Variants in C16orf74 observed in about 807,000 individuals in gnomAD.
C16orf74 encodes calcimembrin.
C16orf74 carries 10 observed loss-of-function variants against 6.5 expected under a neutral mutation model. The ratio of observed to expected loss-of-function variants is 1.54; its 90% CI spans 0.95 to 2.61. The LOEUF is 2.61. Ranked by LOEUF, C16orf74 falls within the 30% of genes most tolerant of loss-of-function variation. C16orf74 has a pLI of 0.00. For synonymous variants in C16orf74, 60 were observed against 42.5 expected (o/e 1.41, Z -1.60); for missense variants, 141 against 105.9 (o/e 1.33, Z -1.45).
At position 85,734,559 on chromosome 16, in the gene C16orf74, G is replaced by C. The variant is rs532593082; in HGVS notation, c.28+631C>G. Among the ~76,000 whole-genome samples, 11 of 152,312 alleles carry C rather than the reference G, an allele frequency of 7.2e-5. No homozygotes were observed. The East Asian group carries it at 1.9e-3, about 27-fold the overall frequency. ...GGCAGCGGGGCCGCAAGTCAGACCA[G>C]GGGCCGCCCACGTGACTCCCAGGTT... On this transcript the variant is annotated intron_variant, in intron 2 of 3. Coordinates refer to ENST00000284245, the MANE Select transcript of C16orf74 (RefSeq NM_206967.3).
chr16:85,722,591 C>T (rs1010921934), intron 2 of C16orf74, among the ~76,000 whole-genome samples: 5 of 152,230 alleles, frequency 3.3e-5, no homozygotes, highest in African/African-American at 1.2e-4. Context: ...CTGAGTGGGC[C>T]CAGGGCCCCA....
intron 3 of C16orf74, 84 bp from the exon 4 acceptor site, chr16:85,708,150 G>A (rs1300608284): frequency 8.5e-7 from 1 of 1,182,844 alleles, no homozygotes. Context: ...GCAGGGCTGG[G>A]GCCTCTGGGA....
chr16:85,729,846 G>A (rs1378111108), intron 2 of C16orf74, among the ~76,000 whole-genome samples: 2 of 152,160 alleles, frequency 1.3e-5, no homozygotes, highest in Non-Finnish European at 1.5e-5. Context: ...CTCCTTTGGC[G>A]CTGAGGAGGG....
At chr16:85,708,276 C>G (rs561301791) in intron 3 of C16orf74, among the ~76,000 whole-genome samples, 1 of 152,112 alleles carries the variant, frequency 6.6e-6, no homozygotes, top group African/African-American at 2.4e-5. Context: ...CCCCTCCCAG[C>G]GTTCAGGAAC....
chr16:85,740,646 C>G (rs183585582), intron 1 of C16orf74, among the ~76,000 whole-genome samples: 3 of 149,264 alleles, frequency 2.0e-5, no homozygotes, highest in Non-Finnish European at 3.0e-5. Context: ...GAGCCGAGAT[C>G]GTGCCACTGC....
In C16orf74 at chr16:85,710,290, T is replaced by A; in HGVS notation, c.46A>T (p.Ser16Cys). 6.6e-7 allele frequency: 1 copy of A among 1,510,304 alleles called. No homozygotes were observed. The highest frequency in any genetic ancestry group is 2.7e-5 in the East Asian group (1 of 37,078). 93.6% of individuals were successfully genotyped at this position (1,510,304 alleles called of 1,614,324 possible). The change falls in exon 3 of 4, where the codon AGC (serine) becomes TGC (cysteine). Residue 16 changes from serine to cysteine, a missense_variant. Ser to Cys is a moderately radical substitution (Grantham distance 112). Transcript: ENST00000284245. ...TCGTCGTGGCTGCTGCTGCTGCTGCTGACACACATTTGAAAGCCTGAGAAG... is the reference window on the plus strand; with the variant it reads ...TCGTCGTGGCTGCTGCTGCTGCTGCAGACACACATTTGAAAGCCTGAGAAG... ...SCLKGFQMCV[S>C]SSSSSHDEAP...
rs1242425880 is a variant in C16orf74, at chr16:85,710,224, T to C, written c.112A>G (p.Ile38Val). 7 of 1,502,686 alleles carry C rather than the reference T, an allele frequency of 4.7e-6. No individual in the cohort carries two copies. Among genetic ancestry groups the C allele is most frequent in the Admixed American group, 2.7e-5 (1 of 36,406 alleles). The allele number at this position is 1,502,686 out of a possible 1,614,324, so 93.1% of individuals were successfully genotyped here. ...LNDKHLDVPDIIITPPTPTGM... is the reference protein window; with the variant it reads ...LNDKHLDVPDVIITPPTPTGM... The stretch of plus-strand genomic sequence containing the variant: ...GTGGGGGTGGGGGGCGTGATGATGA[T>C]GTCGGGCACGTCCAGGTGCTTGTCG... Residue 38 changes from isoleucine (I) to valine (V), a missense_variant, in exon 3 of 4, where the codon ATC becomes GTC. By Grantham distance (29) the Ile-to-Val change is conservative. Transcript: ENST00000284245.
At chr16:85,726,754 C>T (rs1440623194) in intron 2 of C16orf74, among the ~76,000 whole-genome samples, 1 of 152,176 alleles carries the variant, frequency 6.6e-6, no homozygotes, top group African/African-American at 2.4e-5. Context: ...GCTCCTGTCC[C>T]CAGGGATGGA....
chr16:85,718,524 G>A (rs946109125), intron 2 of C16orf74, among the ~76,000 whole-genome samples: 10 of 152,312 alleles, frequency 6.6e-5, no homozygotes, highest in African/African-American at 2.2e-4. Context: ...GCCCACCTGG[G>A]CTACGGTCCA....
chr16:85,742,645 G>A (rs1011891595), intron 1 of C16orf74, among the ~76,000 whole-genome samples: 2 of 152,056 alleles, frequency 1.3e-5, no homozygotes, highest in African/African-American at 2.4e-5. Context: ...GGGTTCAAGC[G>A]ATTCTCCTGA....
At chr16:85,740,910 A>G (rs1392810002) in intron 1 of C16orf74, among the ~76,000 whole-genome samples, 1 of 151,910 alleles carries the variant, frequency 6.6e-6, no homozygotes, top group Non-Finnish European at 1.5e-5. Context: ...TTAACTCTCA[A>G]ATTGTTCAGC....
intron 1 of C16orf74, among the ~76,000 whole-genome samples, chr16:85,746,126 G>A (rs1189636627): frequency 6.6e-6 from 1 of 152,250 alleles, no homozygotes; most frequent in South Asian, 2.1e-4. Context: ...GCGGCAGGCA[G>A]ATCACTTGAG....
chr16:85,725,767 C>T (rs1049524556), intron 2 of C16orf74, among the ~76,000 whole-genome samples: 8 of 152,170 alleles, frequency 5.3e-5, no homozygotes, highest in African/African-American at 1.7e-4. Context: ...CCACACCCAA[C>T]TAATGTTTCT....
At chr16:85,742,170 T>C (rs887199437) in intron 1 of C16orf74, among the ~76,000 whole-genome samples, 1 of 152,106 alleles carries the variant, frequency 6.6e-6, no homozygotes, top group Non-Finnish European at 1.5e-5. Context: ...GTCAGGAGTT[T>C]GAGACCAGCC....
chr16:85,745,953 A>T (rs755050540), intron 1 of C16orf74, among the ~76,000 whole-genome samples: 1 of 152,242 alleles, frequency 6.6e-6, no homozygotes, highest in African/African-American at 2.4e-5. Context: ...AGAAATCTAG[A>T]GCTGGAAGTG....
intron 1 of C16orf74, among the ~76,000 whole-genome samples, chr16:85,744,913 G>C (rs1288478338): frequency 6.6e-6 from 1 of 151,358 alleles, no homozygotes; most frequent in Non-Finnish European, 1.5e-5. Context: ...AGGCCGAGGT[G>C]GGCGGATCAC....
In C16orf74 at chr16:85,713,848, C is replaced by G. The variant is rs544028098; in HGVS notation, c.29-3541G>C. The stretch of plus-strand genomic sequence containing the variant: ...GGAGGAGTTGGTGCTGTCCATGGCT[C>G]CACGAGGAGAGGACAGTGGGAGACT... On this transcript the variant is annotated intron_variant, in intron 2 of 3. Coordinates refer to ENST00000284245, the MANE Select transcript of C16orf74 (RefSeq NM_206967.3). Among the ~76,000 whole-genome samples, 5 of 152,314 alleles carry G rather than the reference C, an allele frequency of 3.3e-5. No homozygotes were observed. In the East Asian group the frequency reaches 7.7e-4, roughly 24 times the overall value.
At chr16:85,724,002 A>AT (rs60492430) in intron 2 of C16orf74, among the ~76,000 whole-genome samples, 6 of 150,110 alleles carry the variant, frequency 4.0e-5, no homozygotes, top group Admixed American at 2.0e-4. Flanking sequence ...ACTTCCTTCG[A>AT]TTTTTTTTTT....
At chr16:85,748,542 G>T (rs2054399656) in intron 1 of C16orf74, among the ~76,000 whole-genome samples, 1 of 152,042 alleles carries the variant, frequency 6.6e-6, no homozygotes, top group Non-Finnish European at 1.5e-5. Flanking sequence ...AGGTTGCAGT[G>T]AGCCGAGATC....
Sources: allele counts gnomAD v4.1 joint callset (sites outside exome capture counted in the v4.1 genomes callset), GRCh38; gene constraint gnomAD v4.1.1; transcripts MANE v1.5; gene names NCBI Gene and HGNC (gene_info 2026-07-23, HGNC 2026-07-21).